ZBTB20: variants seen among roughly 807,000 people sequenced by gnomAD.
ZBTB20 encodes the protein zinc finger and BTB domain containing 20.
ZBTB20 carries 9 observed loss-of-function variants against 56.9 expected under a neutral mutation model. That is an observed-to-expected ratio of 0.16 (90% confidence interval 0.10 to 0.28). The LOEUF is 0.28. Ranked by LOEUF, ZBTB20 falls within the 10% of genes least tolerant of loss-of-function variation. The pLI is 1.00. For synonymous variants in ZBTB20, 417 were observed against 420.7 expected, an observed-to-expected ratio of 0.99 and a Z score of 0.11; for missense variants, 655 against 1,003.0, an observed-to-expected ratio of 0.65 and a Z score of 4.69.
intron 6 of ZBTB20, among the ~76,000 whole-genome samples, chr3:114,585,125 G>A (rs774988121): frequency 3.3e-5 from 5 of 152,014 alleles, no homozygotes; most frequent in Non-Finnish European, 7.4e-5. Context: ...GGTCCCTGAG[G>A]GGAGGAAGTT....
At chr3:114,552,637 T>A (rs1407261475) in intron 6 of ZBTB20, among the ~76,000 whole-genome samples, 1 of 152,224 alleles carries the variant, frequency 6.6e-6, no homozygotes, top group South Asian at 2.1e-4. Flanking sequence ...ACTCCATGGT[T>A]ATGAGCTTTG....
intron 3 of ZBTB20, among the ~76,000 whole-genome samples, chr3:114,915,695 T>C (rs1488210602): frequency 6.6e-6 from 1 of 152,028 alleles, no homozygotes; most frequent in African/African-American, 2.4e-5. Context: ...TGAAAGTTTT[T>C]CTACTTTCTT....
chr3:114,379,611 T>C (rs986433527), intron 10 of ZBTB20, among the ~76,000 whole-genome samples: 1 of 152,222 alleles, frequency 6.6e-6, no homozygotes, highest in African/African-American at 2.4e-5. Flanking sequence ...CTTAGGCAGT[T>C]TTTTTAATTA....
intron 10 of ZBTB20, chr3:114,366,894 G>A (rs2082460210): frequency 6.6e-6 from 1 of 151,256 alleles, no homozygotes; most frequent in Non-Finnish European, 1.5e-5. Flanking sequence ...AAGTAAGCAG[G>A]GTGATTACAA....
At chr3:114,909,079 G>T (rs2075426628) in intron 3 of ZBTB20, among the ~76,000 whole-genome samples, 1 of 151,934 alleles carries the variant, frequency 6.6e-6, no homozygotes, top group Admixed American at 6.6e-5. Flanking sequence ...GCATCAGGTA[G>T]GTCCTTCAGG....
chr3:115,054,506 T>A (rs1220027687), intron 2 of ZBTB20, among the ~76,000 whole-genome samples: 1 of 152,130 alleles, frequency 6.6e-6, no homozygotes, highest in Non-Finnish European at 1.5e-5. Flanking sequence ...CAAACTCAAA[T>A]CTTTTCCCCG....
chr3:114,354,505 T>C (rs1382736477), intron 10 of ZBTB20, among the ~76,000 whole-genome samples: 1 of 152,138 alleles, frequency 6.6e-6, no homozygotes, highest in African/African-American at 2.4e-5. Flanking sequence ...GTATACAACT[T>C]TTTTACATGT....
rs551025760 is a variant in ZBTB20 at position 114,325,167 on chromosome 3, T to A, written c.*13838A>T. 1 of 152,238 alleles carries A rather than the reference T, an allele frequency of 6.6e-6. No homozygotes were observed. The highest frequency in any genetic ancestry group is 1.5e-5 in the Non-Finnish European group (1 of 67,978). The allele number at this position is 152,238 out of a possible 1,614,324, so 9.4% of individuals were successfully genotyped here. A position where few individuals can be genotyped will look rare whatever the true frequency, so the allele number is the denominator to read the frequency against. Reference sequence around the variant, plus strand: ...TTAGATATATGCAAATTACCCTTAATTTATATCTCAATAGGCTCCTCAGGA... The same window carrying A: ...TTAGATATATGCAAATTACCCTTAAATTATATCTCAATAGGCTCCTCAGGA... On this transcript the variant is annotated 3_prime_UTR_variant, in exon 12 of 12. Coordinates refer to ENST00000675478, the MANE Select transcript of ZBTB20 (RefSeq NM_001348800.3).
intron 5 of ZBTB20, among the ~76,000 whole-genome samples, chr3:114,717,020 T>C (rs1047670955): frequency 4.6e-5 from 7 of 152,038 alleles, no homozygotes; most frequent in Admixed American, 3.3e-4. Context: ...CAGAACATGG[T>C]AGGAAGAATA....
intron 5 of ZBTB20, among the ~76,000 whole-genome samples, chr3:114,753,580 A>G (rs1054789105): frequency 2.6e-5 from 4 of 151,662 alleles, no homozygotes; most frequent in Non-Finnish European, 5.9e-5. Context: ...GATTACAGGC[A>G]TGTGCTACCA....
intron 6 of ZBTB20, among the ~76,000 whole-genome samples, chr3:114,667,281 C>A (rs2061114321): frequency 6.6e-6 from 1 of 151,976 alleles, no homozygotes; most frequent in Admixed American, 6.6e-5. Context: ...AACAAAATAA[C>A]TTTTAAAAAA....
At chr3:114,571,068 T>TACC (rs1177654973) in intron 6 of ZBTB20, among the ~76,000 whole-genome samples, 1 of 152,094 alleles carries the variant, frequency 6.6e-6, no homozygotes, top group African/African-American at 2.4e-5. Context: ...AAAAATGTAA[T>TACC]ACTAAGGAAA....
At chr3:115,004,874 T>C (rs1036598367) in intron 2 of ZBTB20, among the ~76,000 whole-genome samples, 1 of 151,820 alleles carries the variant, frequency 6.6e-6, no homozygotes, top group Non-Finnish European at 1.5e-5. Context: ...GTACTGAAAT[T>C]TCTGTTTAAA....
intron 5 of ZBTB20, among the ~76,000 whole-genome samples, chr3:114,724,061 G>A (rs896674390): frequency 7.3e-5 from 11 of 151,534 alleles, no homozygotes; most frequent in African/African-American, 2.7e-4. Flanking sequence ...TTTTAGTAGA[G>A]ACGGGGTTTC....
intron 6 of ZBTB20, among the ~76,000 whole-genome samples, chr3:114,640,749 C>A (rs2059517233): frequency 6.6e-6 from 1 of 151,964 alleles, no homozygotes; most frequent in Non-Finnish European, 1.5e-5. Flanking sequence ...ACTCTATTGG[C>A]CAACTTCTAT....
chr3:114,753,030 C>A (rs1292833535), intron 5 of ZBTB20, among the ~76,000 whole-genome samples: 1 of 151,966 alleles, frequency 6.6e-6, no homozygotes, highest in Non-Finnish European at 1.5e-5. Context: ...ACATTATGTG[C>A]AGGTCCCCAT....
At chr3:114,374,191 T>C (rs2083351538) in intron 10 of ZBTB20, among the ~76,000 whole-genome samples, 1 of 152,214 alleles carries the variant, frequency 6.6e-6, no homozygotes. Context: ...AGACTATCTT[T>C]AATGACAGGA....
In ZBTB20 at chr3:115,050,201, G is replaced by T. The variant is rs112931623; in HGVS notation, c.-507+21018C>A. ...GGTTCGGAAAACATTGAAAAGGTACGAATTTTATAAATGTATGTGACGAAT... is the reference window on the plus strand; with the variant it reads ...GGTTCGGAAAACATTGAAAAGGTACTAATTTTATAAATGTATGTGACGAAT... On this transcript the variant is annotated intron_variant, in intron 2 of 11. Coordinates refer to ENST00000675478, the MANE Select transcript of ZBTB20 (RefSeq NM_001348800.3). Among the ~76,000 whole-genome samples the T allele has an allele frequency of 7.6e-3, 1,150 of 151,946 alleles. 16 individuals carry two copies. Among genetic ancestry groups the T allele is most frequent in the African/African-American group, 0.026 (1,065 of 41,508 alleles).
chr3:115,026,438 A>G (rs1167249238), intron 2 of ZBTB20, among the ~76,000 whole-genome samples: 1 of 151,032 alleles, frequency 6.6e-6, no homozygotes, highest in Non-Finnish European at 1.5e-5. Flanking sequence ...TTAAAACTCA[A>G]TTTATTGGTC....
Sources: allele counts gnomAD v4.1 joint callset (sites outside exome capture counted in the v4.1 genomes callset), GRCh38; gene constraint gnomAD v4.1.1; transcripts MANE v1.5; gene names NCBI Gene and HGNC (gene_info 2026-07-23, HGNC 2026-07-21).